The following TMEM132D variants were observed in gnomAD, a reference collection of about 807,000 sequenced individuals.
TMEM132D encodes mature OL transmembrane protein.
Under a neutral mutation model 62.3 loss-of-function variants are expected in TMEM132D, and 21 were observed. The observed-to-expected ratio is 0.34, with a 90% CI of 0.24 to 0.49. TMEM132D has a LOEUF of 0.49. TMEM132D is among the 20% of genes least tolerant of loss of function. The pLI is 0.99. For synonymous variants in TMEM132D, 621 were observed against 575.6 expected (o/e 1.08, Z -1.13); for missense variants, 1,346 against 1,402.8 (o/e 0.96, Z 0.65).
chr12:129,463,602 C>T (rs1873763355), intron 3 of TMEM132D, among the ~76,000 whole-genome samples: 1 of 151,970 alleles, frequency 6.6e-6, no homozygotes, highest in Non-Finnish European at 1.5e-5. Context: ...TTAGGTATAT[C>T]TCCTAATGCC....
At chr12:129,599,864 G>A (rs145580286) in intron 2 of TMEM132D, among the ~76,000 whole-genome samples, 1 of 152,270 alleles carries the variant, frequency 6.6e-6, no homozygotes, top group East Asian at 1.9e-4. Context: ...TCATGACCTG[G>A]ACCTTCATCA....
At chr12:129,334,507 A>G (rs74775769) in intron 4 of TMEM132D, among the ~76,000 whole-genome samples, 4,232 of 152,286 alleles carry the variant, frequency 0.028, 208 homozygotes, top group African/African-American at 0.096. Flanking sequence ...ACTCAGAACC[A>G]CTACCAATAC....
At chr12:129,188,869 C>T (rs972443564) in intron 5 of TMEM132D, among the ~76,000 whole-genome samples, 17 of 151,806 alleles carry the variant, frequency 1.1e-4, no homozygotes, top group African/African-American at 3.4e-4. Flanking sequence ...AACTGAGCTC[C>T]CATGTACCTT....
At chr12:129,492,104 A>G (rs1187126935) in intron 3 of TMEM132D, among the ~76,000 whole-genome samples, 1 of 152,234 alleles carries the variant, frequency 6.6e-6, no homozygotes, top group Non-Finnish European at 1.5e-5. Flanking sequence ...GGTCTAAAAG[A>G]GTGTCAGGTT....
chr12:129,209,578 G>C lies in TMEM132D; in HGVS notation c.1385C>G (p.Thr462Arg). 6.2e-7 allele frequency: 1 copy of C among 1,614,162 alleles called. No individual in the cohort carries two copies. The highest frequency in any genetic ancestry group is 1.1e-5 in the South Asian group (1 of 91,086). The change falls in exon 5 of 9, where the codon ACA (threonine) becomes AGA (arginine). Residue 462 changes from threonine to arginine, a missense_variant. Transcript: ENST00000422113. The part of the protein sequence containing the change: ...VKVVSVEDDG[T>R]VTELLESVEC... ...CACAGACTCCAGCAGCTCTGTCACTGTGCCGTCGTCCTCCACGGAGACCAC... is the reference window on the plus strand; with the variant it reads ...CACAGACTCCAGCAGCTCTGTCACTCTGCCGTCGTCCTCCACGGAGACCAC...
intron 2 of TMEM132D, among the ~76,000 whole-genome samples, chr12:129,606,333 A>G (rs1216006923): frequency 6.6e-6 from 1 of 152,152 alleles, no homozygotes; most frequent in African/African-American, 2.4e-5. Flanking sequence ...GGGGAAATTG[A>G]CAAAAGATAC....
At chr12:129,529,763 G>A (rs879649619) in intron 3 of TMEM132D, among the ~76,000 whole-genome samples, 8 of 151,940 alleles carry the variant, frequency 5.3e-5, no homozygotes, top group Admixed American at 2.0e-4. Context: ...TCCTCCATCC[G>A]TCTACCCATC....
chr12:129,574,766 G>T (rs1213642708), intron 2 of TMEM132D, among the ~76,000 whole-genome samples: 1 of 151,736 alleles, frequency 6.6e-6, no homozygotes, highest in African/African-American at 2.4e-5. Context: ...ATGAACAACT[G>T]GGAAATCTAA....
intron 3 of TMEM132D, among the ~76,000 whole-genome samples, chr12:129,529,443 C>T (rs567962210): frequency 1.3e-5 from 2 of 152,106 alleles, no homozygotes; most frequent in African/African-American, 2.4e-5. Flanking sequence ...ACCATTGGGC[C>T]CCCCCATGCT....
chr12:129,356,834 C>T (rs1345095331), intron 3 of TMEM132D, among the ~76,000 whole-genome samples: 1 of 150,348 alleles, frequency 6.7e-6, no homozygotes, highest in Non-Finnish European at 1.5e-5. Flanking sequence ...CACTGCACTC[C>T]AGCCTGGGTG....
chr12:129,153,690 C>T (rs187807635), intron 5 of TMEM132D, among the ~76,000 whole-genome samples: 123 of 152,120 alleles, frequency 8.1e-4, no homozygotes, highest in Admixed American at 5.8e-3. Context: ...TTCATAGAAC[C>T]CCAAGCTCAG....
chr12:129,767,526 C>T (rs1248219098), intron 1 of TMEM132D, among the ~76,000 whole-genome samples: 1 of 152,184 alleles, frequency 6.6e-6, no homozygotes, highest in East Asian at 1.9e-4. Flanking sequence ...CCCTGACAAC[C>T]ATCACTCTAC....
chr12:129,436,725 C>T (rs998889879), intron 3 of TMEM132D, among the ~76,000 whole-genome samples: 13 of 152,258 alleles, frequency 8.5e-5, no homozygotes, highest in South Asian at 2.1e-4. Context: ...TATTTTAACA[C>T]GTCACTTATA....
intron 1 of TMEM132D, among the ~76,000 whole-genome samples, chr12:129,872,868 A>G (rs1176264814): frequency 6.6e-6 from 1 of 152,218 alleles, no homozygotes; most frequent in Non-Finnish European, 1.5e-5. Context: ...AGAGCTGGGC[A>G]AGAGATTGGA....
At chr12:129,502,607 C>A (rs566955410) in intron 3 of TMEM132D, among the ~76,000 whole-genome samples, 1 of 151,990 alleles carries the variant, frequency 6.6e-6, no homozygotes, top group South Asian at 2.1e-4. Context: ...TCTGTGAGTA[C>A]CCTTTTCAGG....
At chr12:129,658,700 T>G (rs1429681977) in intron 2 of TMEM132D, among the ~76,000 whole-genome samples, 1 of 152,202 alleles carries the variant, frequency 6.6e-6, no homozygotes, top group Non-Finnish European at 1.5e-5. Context: ...ATATTCATTT[T>G]TGGAAGCCTG....
intron 2 of TMEM132D, among the ~76,000 whole-genome samples, chr12:129,694,206 T>C (rs1046700010): frequency 5.3e-5 from 8 of 152,176 alleles, no homozygotes; most frequent in Admixed American, 1.3e-4. Context: ...CAGTAGCAAG[T>C]CCTGTGGGCT....
intron 2 of TMEM132D, among the ~76,000 whole-genome samples, chr12:129,652,801 G>T (rs916708973): frequency 1.3e-5 from 2 of 152,156 alleles, no homozygotes; most frequent in African/African-American, 4.8e-5. Flanking sequence ...GTGGTAGTTT[G>T]TTACAACAGC....
intron 5 of TMEM132D, among the ~76,000 whole-genome samples, chr12:129,145,096 A>G (rs1461018649): frequency 6.6e-6 from 1 of 152,222 alleles, no homozygotes; most frequent in Non-Finnish European, 1.5e-5. Flanking sequence ...ATGTATTCAT[A>G]GACTAAGACA....
Sources: allele counts gnomAD v4.1 joint callset (sites outside exome capture counted in the v4.1 genomes callset), GRCh38; gene constraint gnomAD v4.1.1; transcripts MANE v1.5; gene names NCBI Gene and HGNC (gene_info 2026-07-23, HGNC 2026-07-21).